Variants in PTPRS observed in about 807,000 individuals in gnomAD.
PTPRS encodes protein tyrosine phosphatase receptor type S.
A neutral mutation model predicts 215.3 loss-of-function variants in PTPRS; 63 were observed. The ratio of observed to expected loss-of-function variants is 0.29; its 90% CI spans 0.24 to 0.36. The LOEUF (loss-of-function observed/expected upper bound fraction) is 0.36, where lower values mean the gene tolerates loss of function less well. PTPRS is among the 10% of genes least tolerant of loss of function. The pLI, the probability that PTPRS is intolerant of heterozygous loss-of-function variation, is 1.00. For missense variants in PTPRS, 2,258 were observed against 2,825.8 expected (o/e 0.80, Z 4.56); for synonymous variants, 1,404 against 1,191.4 (o/e 1.18, Z -3.68).
chr19:5,310,726 G>A (rs1043726182), intron 1 of PTPRS, among the ~76,000 whole-genome samples: 6 of 151,134 alleles, frequency 4.0e-5, no homozygotes, highest in Non-Finnish European at 7.4e-5. Flanking sequence ...TGTTTTTTGA[G>A]GCAGGGTCTC....
chr19:5,210,111 C>G lies in PTPRS; in HGVS notation c.5487+358G>C, dbSNP rs1167097436. Among the ~76,000 whole-genome samples, 1 of 152,216 alleles carries G rather than the reference C, an allele frequency of 6.6e-6. No homozygotes were observed. Among genetic ancestry groups the G allele is most frequent in the African/African-American group, 2.4e-5 (1 of 41,456 alleles). ...CGGTGCCAGTCCCCACCATCTGACTCTCCTTGTCCACCGTCTACCACCCCT... is the reference window on the plus strand; with the variant it reads ...CGGTGCCAGTCCCCACCATCTGACTGTCCTTGTCCACCGTCTACCACCCCT... On this transcript the variant is annotated intron_variant, in intron 35 of 37. Coordinates refer to ENST00000262963, the MANE Select transcript of PTPRS (RefSeq NM_002850.4). The surrounding 1 kb of genome is among the most constrained non-coding windows in gnomAD (Gnocchi z 4.5).
intron 16 of PTPRS, among the ~76,000 whole-genome samples, chr19:5,227,051 C>T (rs1471654826): frequency 6.6e-6 from 1 of 151,974 alleles, no homozygotes; most frequent in Non-Finnish European, 1.5e-5. Context: ...CTGATTTTTA[C>T]TCTTTTATCT....
chr19:5,271,987 A>G (rs1033293923), intron 4 of PTPRS, among the ~76,000 whole-genome samples: 7 of 152,126 alleles, frequency 4.6e-5, no homozygotes, highest in Non-Finnish European at 1.0e-4. Flanking sequence ...CGGCCTCCCA[A>G]AGTGCTGGGA....
chr19:5,228,361 A>AAAAAAAAAAAAG (rs1555757601), intron 16 of PTPRS, among the ~76,000 whole-genome samples: 2 of 144,054 alleles, frequency 1.4e-5, no homozygotes, highest in Admixed American at 7.0e-5. Context: ...AAAAAAAAAA[A>AAAAAAAAAAAAG]AAGAGACAGG....
rs1056182595 is a variant in PTPRS at position 5,295,132 on chromosome 19, G to C, written c.-94-8898C>G. On this transcript the variant is annotated intron_variant, in intron 1 of 37. Transcript: ENST00000262963. This position sits in a 1 kb window ranked among gnomAD's most constrained non-coding sequence, Gnocchi z 4.6. ...CATACAGACTCGAGTTTGAATCCAG[G>C]GATGCCCCGTGTGTCAAGAAAGCAC... Among the ~76,000 whole-genome samples, 2 of 152,180 alleles carry C rather than the reference G, an allele frequency of 1.3e-5. No individual in the cohort carries two copies. Among genetic ancestry groups the C allele is most frequent in the Non-Finnish European group, 2.9e-5 (2 of 68,038 alleles).
chr19:5,311,304 C>G (rs967942646), intron 1 of PTPRS, among the ~76,000 whole-genome samples: 2 of 152,138 alleles, frequency 1.3e-5, no homozygotes. Context: ...CCACTGCGCC[C>G]GGCCCCTATT....
intron 9 of PTPRS, among the ~76,000 whole-genome samples, chr19:5,253,501 T>G (rs1489926870): frequency 6.6e-6 from 1 of 152,192 alleles, no homozygotes; most frequent in Non-Finnish European, 1.5e-5. Flanking sequence ...AGCCTTGTAC[T>G]TAATATGGGC....
intron 1 of PTPRS, among the ~76,000 whole-genome samples, chr19:5,334,184 A>G (rs1427079260): frequency 6.6e-6 from 1 of 152,188 alleles, no homozygotes; most frequent in Non-Finnish European, 1.5e-5. Context: ...GGAACGCCCC[A>G]GTTTGCAGTG....
Position 5,244,945 on chromosome 19 carries a change from G to A in PTPRS, c.989-463C>T, listed in dbSNP as rs1326598548. ...GGCCTCCCGAAGTGCTGGGATTACAGGTGTGAGCCACCGCACCCGGCCTTT... is the reference window on the plus strand; with the variant it reads ...GGCCTCCCGAAGTGCTGGGATTACAAGTGTGAGCCACCGCACCCGGCCTTT... On this transcript the variant is annotated intron_variant, in intron 10 of 37. Coordinates refer to ENST00000262963, the MANE Select transcript of PTPRS (RefSeq NM_002850.4). The surrounding 1 kb of genome is among the most constrained non-coding windows in gnomAD (Gnocchi z 7.2). Among the ~76,000 whole-genome samples, 2 of 151,782 alleles carry A rather than the reference G, an allele frequency of 1.3e-5. No homozygotes were observed. The highest frequency in any genetic ancestry group is 1.3e-4 in the Admixed American group (2 of 15,242).
chr19:5,219,021 T>A (rs2041743509), intron 23 of PTPRS: 1 of 631,006 alleles, frequency 1.6e-6, no homozygotes, highest in African/African-American at 1.8e-5. Flanking sequence ...ATGGGGCCAC[T>A]ACAATTGCTA....
Position 5,338,970 on chromosome 19 carries a change from T to C in PTPRS, c.-95+1694A>G, listed in dbSNP as rs2147339661. On this transcript the variant is annotated intron_variant, in intron 1 of 37. Coordinates refer to ENST00000262963, the MANE Select transcript of PTPRS (RefSeq NM_002850.4). The surrounding 1 kb of genome is among the most constrained non-coding windows in gnomAD (Gnocchi z 4.2). ...AGAATCCCAGCAGCCAAAGTCCGGG[T>C]GGTGGCGGACGGGAGCCCGGAGCGT... 6.6e-6 allele frequency among the ~76,000 whole-genome samples: 1 copy of C among 152,006 alleles called. No homozygotes were observed. Among genetic ancestry groups the C allele is most frequent in the South Asian group, 2.1e-4 (1 of 4,784 alleles).
chr19:5,309,500 T>TG (rs1213467687), intron 1 of PTPRS, among the ~76,000 whole-genome samples: 1 of 152,142 alleles, frequency 6.6e-6, no homozygotes, highest in East Asian at 1.9e-4. Flanking sequence ...TTGTAGCACC[T>TG]GAAAACCCGC....
chr19:5,259,378 C>T (rs2045813238), intron 7 of PTPRS, among the ~76,000 whole-genome samples: 1 of 152,072 alleles, frequency 6.6e-6, no homozygotes, highest in African/African-American at 2.4e-5. Flanking sequence ...ACTACTGTGC[C>T]CATGAGAAAA....
chr19:5,214,515 C>A, intron 29 of PTPRS, 35 bp from the exon 30 acceptor site: 1 of 1,613,226 alleles, frequency 6.2e-7, no homozygotes, highest in Non-Finnish European at 8.5e-7. Flanking sequence ...TCAGCAGGGA[C>A]AGGCTGACTG....
chr19:5,236,251 C>T (rs1032379554), intron 13 of PTPRS, among the ~76,000 whole-genome samples: 1 of 152,126 alleles, frequency 6.6e-6, no homozygotes, highest in African/African-American at 2.4e-5. Context: ...GAAGTGCAGC[C>T]CATTTTACAG....
At chr19:5,267,415 G>C (rs987859032) in intron 4 of PTPRS, among the ~76,000 whole-genome samples, 3 of 152,144 alleles carry the variant, frequency 2.0e-5, no homozygotes, top group African/African-American at 7.2e-5. Flanking sequence ...CCAGCACTTT[G>C]GGAGGACGAA....
chr19:5,316,029 C>T (rs1882621854), intron 1 of PTPRS, among the ~76,000 whole-genome samples: 1 of 151,980 alleles, frequency 6.6e-6, no homozygotes, highest in African/African-American at 2.4e-5. Flanking sequence ...CGATCCCTCC[C>T]ACCTCAGCCT....
At chr19:5,337,526 CA>C (rs1391577688) in intron 1 of PTPRS, among the ~76,000 whole-genome samples, 1 of 152,224 alleles carries the variant, frequency 6.6e-6, no homozygotes, top group Admixed American at 6.5e-5. Flanking sequence ...TGCCCTCAGA[CA>C]TCTGTGAACC....
chr19:5,241,221 C>T (rs981544018), intron 11 of PTPRS, among the ~76,000 whole-genome samples: 1 of 151,852 alleles, frequency 6.6e-6, no homozygotes, highest in Non-Finnish European at 1.5e-5. Flanking sequence ...CCCCAGTGCC[C>T]TCGCTGGCTG....
Sources: gnomAD v4.1 joint callset for allele counts (sites outside exome capture counted in the v4.1 genomes callset) on GRCh38, gnomAD v4.1.1 for gene constraint, Gnocchi (gnomAD v3.1) non-coding constraint, MANE v1.5 for transcripts, NCBI Gene and HGNC (gene_info 2026-07-23, HGNC 2026-07-21) for gene names.